Variants in MMP24 observed in about 807,000 individuals in gnomAD.
MMP24 encodes matrix metalloproteinase-24.
A neutral mutation model predicts 62.8 loss-of-function variants in MMP24; 25 were observed. The ratio of observed to expected loss-of-function variants is 0.40; its 90% CI spans 0.29 to 0.56. MMP24 has a LOEUF of 0.56. Ranked by LOEUF, MMP24 falls within the 20% of genes least tolerant of loss-of-function variation. The pLI is 0.50. For missense variants in MMP24, 634 were observed against 853.6 expected (o/e 0.74, Z 3.21); for synonymous variants, 319 against 350.5 (o/e 0.91, Z 1.00).
At chr20:35,257,855 G>C (rs2060582457) in intron 4 of MMP24, among the ~76,000 whole-genome samples, 1 of 152,212 alleles carries the variant, frequency 6.6e-6, no homozygotes, top group Non-Finnish European at 1.5e-5. Context: ...GAACTGTCCA[G>C]ATGCAGCTCA....
intron 2 of MMP24, among the ~76,000 whole-genome samples, chr20:35,249,130 A>G (rs902720844): frequency 1.3e-5 from 2 of 152,188 alleles, no homozygotes; most frequent in African/African-American, 4.8e-5. Context: ...CCAAGACCTG[A>G]GATGGGGAGT....
At chr20:35,261,568 C>T (rs1166590502) in intron 4 of MMP24, among the ~76,000 whole-genome samples, 4 of 152,166 alleles carry the variant, frequency 2.6e-5, no homozygotes, top group Non-Finnish European at 5.9e-5. Context: ...CAGTTCCACC[C>T]TCAGGATCCT....
intron 1 of MMP24, 80 bp from the exon 2 acceptor site, chr20:35,246,760 G>A (rs1600782495): frequency 3.9e-6 from 6 of 1,520,220 alleles, no homozygotes; most frequent in South Asian, 1.1e-5. Flanking sequence ...ATGATCCCTC[G>A]TGTTCAAGGC....
At chr20:35,232,229 A>T (rs1307118244) in intron 1 of MMP24, among the ~76,000 whole-genome samples, 1 of 152,140 alleles carries the variant, frequency 6.6e-6, no homozygotes, top group Non-Finnish European at 1.5e-5. Flanking sequence ...AATAAAAGTA[A>T]ATTATAATTG....
At chr20:35,260,422 C>T (rs1370828164) in intron 4 of MMP24, among the ~76,000 whole-genome samples, 5 of 152,230 alleles carry the variant, frequency 3.3e-5, no homozygotes, top group East Asian at 1.9e-4. Context: ...TGCTCAGAGC[C>T]GTGTTCCCTG....
At chr20:35,240,521 G>A (rs1175779101) in intron 1 of MMP24, among the ~76,000 whole-genome samples, 2 of 152,124 alleles carry the variant, frequency 1.3e-5, no homozygotes, top group Admixed American at 1.3e-4. Context: ...GGTGTAAAGA[G>A]ATGAAAGCAA....
chr20:35,236,325 A>AT (rs1351473214), intron 1 of MMP24: 1 of 152,180 alleles, frequency 6.6e-6, no homozygotes, highest in African/African-American at 2.4e-5. Flanking sequence ...TTGCTCTGTG[A>AT]TTTTGAATAA....
intron 4 of MMP24, among the ~76,000 whole-genome samples, chr20:35,260,897 TG>T (rs1214042566): frequency 1.3e-5 from 2 of 152,112 alleles, no homozygotes; most frequent in African/African-American, 4.8e-5. Context: ...CCCACCCCCA[TG>T]TGTCCCTAGG....
At chr20:35,245,242 G>C (rs1286949870) in intron 1 of MMP24, among the ~76,000 whole-genome samples, 1 of 152,036 alleles carries the variant, frequency 6.6e-6, no homozygotes, top group Admixed American at 6.6e-5. Context: ...GCCCAGGCTG[G>C]TCTCAAACTC....
At chr20:35,273,395 TA>T (rs756836538) in intron 8 of MMP24, among the ~76,000 whole-genome samples, 3,975 of 135,966 alleles carry the variant, frequency 0.029, 82 homozygotes, top group African/African-American at 0.067. Flanking sequence ...GACCTTGTCT[TA>T]AAAAAAAAAA....
intron 5 of MMP24, among the ~76,000 whole-genome samples, chr20:35,266,624 T>G (rs1488493539): frequency 1.3e-5 from 2 of 152,052 alleles, no homozygotes; most frequent in Non-Finnish European, 2.9e-5. Flanking sequence ...AGGAAAGTGT[T>G]TCTATGAATC....
At chr20:35,236,973 C>CAAAA (rs10710875) in intron 1 of MMP24, among the ~76,000 whole-genome samples, 4 of 76,478 alleles carry the variant, frequency 5.2e-5, no homozygotes, top group Admixed American at 1.5e-4. Flanking sequence ...GACACCATCT[C>CAAAA]AAAAAAAAAA....
intron 4 of MMP24, chr20:35,263,577 C>G (rs2060615647): frequency 2.4e-6 from 1 of 419,646 alleles, no homozygotes; most frequent in South Asian, 6.1e-5. Context: ...CACCCAGAGC[C>G]CTCTGCCTCA....
At chr20:35,257,764 A>G (rs2060582083) in intron 4 of MMP24, among the ~76,000 whole-genome samples, 2 of 152,194 alleles carry the variant, frequency 1.3e-5, no homozygotes, top group Admixed American at 1.3e-4. Context: ...AAGACTGCCA[A>G]TTCTGATAGA....
rs532941258 is a variant in MMP24, at chr20:35,271,202, C to T, written c.1334-367C>T. ...GGGGAGCCAGCCAATGCAGAGCTGCCGGTAGGCCGAGGGAGGTCAGGGTTT... is the reference window on the plus strand; with the variant it reads ...GGGGAGCCAGCCAATGCAGAGCTGCTGGTAGGCCGAGGGAGGTCAGGGTTT... On this transcript the variant is annotated intron_variant, in intron 7 of 8. Coordinates refer to ENST00000246186, the MANE Select transcript of MMP24 (RefSeq NM_006690.4). The surrounding 1 kb of genome is among the most constrained non-coding windows in gnomAD (Gnocchi z 4.0). Among the ~76,000 whole-genome samples, 2 of 152,208 alleles carry T rather than the reference C, an allele frequency of 1.3e-5. No individual in the cohort carries two copies. Among genetic ancestry groups the T allele is most frequent in the African/African-American group, 2.4e-5 (1 of 41,526 alleles).
intron 1 of MMP24, among the ~76,000 whole-genome samples, chr20:35,227,868 C>A (rs539486920): frequency 1.3e-5 from 2 of 152,188 alleles, no homozygotes; most frequent in East Asian, 3.8e-4. Context: ...GGTCACACAG[C>A]TAGTGAGTGA....
At chr20:35,229,934 A>G (rs993872054) in intron 1 of MMP24, among the ~76,000 whole-genome samples, 5 of 151,972 alleles carry the variant, frequency 3.3e-5, no homozygotes, top group African/African-American at 1.2e-4. Flanking sequence ...TCCAGGAAAC[A>G]TTTTTAAGGC....
intron 1 of MMP24, among the ~76,000 whole-genome samples, chr20:35,232,153 T>C (rs2060440757): frequency 6.6e-6 from 1 of 152,256 alleles, no homozygotes; most frequent in South Asian, 2.1e-4. Flanking sequence ...TTGTAGCCTT[T>C]TAGCCAGTCT....
At chr20:35,238,611 A>G (rs1489844147) in intron 1 of MMP24, among the ~76,000 whole-genome samples, 1 of 152,154 alleles carries the variant, frequency 6.6e-6, no homozygotes, top group African/African-American at 2.4e-5. Flanking sequence ...AAGGCTCTTA[A>G]CTGCAGAGAT....
Sources: allele counts gnomAD v4.1 joint callset (sites outside exome capture counted in the v4.1 genomes callset), GRCh38; gene constraint gnomAD v4.1.1; non-coding constraint Gnocchi (gnomAD v3.1); transcripts MANE v1.5; gene names NCBI Gene and HGNC (gene_info 2026-07-23, HGNC 2026-07-21).